GRID2: variants seen among roughly 807,000 people sequenced by gnomAD.
GRID2 encodes the protein glutamate receptor ionotropic, delta-2.
In GRID2, 33 loss-of-function variants were observed where a neutral mutation model predicts 114.8. That is an observed-to-expected ratio of 0.29 (90% CI 0.22 to 0.38). The LOEUF (loss-of-function observed/expected upper bound fraction) is 0.38, where lower values mean the gene tolerates loss of function less well. Among genes scored for constraint, GRID2 ranks in the 10% least tolerant of loss-of-function variants. GRID2 has a pLI of 1.00. For synonymous variants in GRID2, 505 were observed against 449.9 expected, an observed-to-expected ratio of 1.12 and a Z score of -1.55; for missense variants, 1,184 against 1,257.7, an observed-to-expected ratio of 0.94 and a Z score of 0.89.
At chr4:93,086,008 T>C (rs1187369866) in intron 3 of GRID2, among the ~76,000 whole-genome samples, 1 of 152,184 alleles carries the variant, frequency 6.6e-6, no homozygotes, top group African/African-American at 2.4e-5. Flanking sequence ...TTTTTCTGAA[T>C]TTATCTACCT....
At chr4:93,392,747 C>A (rs1172375483) in intron 8 of GRID2, among the ~76,000 whole-genome samples, 1 of 151,904 alleles carries the variant, frequency 6.6e-6, no homozygotes, top group Non-Finnish European at 1.5e-5. Context: ...AAATATCTTC[C>A]CTTCCTACCT....
At chr4:93,800,758 C>G (rs1158654669) in intron 1 of GRID2, among the ~76,000 whole-genome samples, 4 of 152,146 alleles carry the variant, frequency 2.6e-5, no homozygotes, top group Non-Finnish European at 4.4e-5. Flanking sequence ...TAAATAATTA[C>G]TACTACTGTT....
At chr4:92,399,663 C>A (rs10028153) in intron 1 of GRID2, among the ~76,000 whole-genome samples, 3,476 of 131,380 alleles carry the variant, frequency 0.026, 51 homozygotes, top group African/African-American at 0.06. Flanking sequence ...CTCTCTCTCT[C>A]TCTATATATA....
intron 2 of GRID2, among the ~76,000 whole-genome samples, chr4:92,633,210 T>C (rs113743824): frequency 2.8e-4 from 43 of 152,302 alleles, no homozygotes; most frequent in African/African-American, 9.4e-4. Flanking sequence ...TTTTTCTGAT[T>C]TGATGTTTGT....
At chr4:93,275,016 G>A (rs1306180373) in intron 8 of GRID2, among the ~76,000 whole-genome samples, 1 of 151,762 alleles carries the variant, frequency 6.6e-6, no homozygotes, top group Non-Finnish European at 1.5e-5. Context: ...CTATTTTAAG[G>A]ATATTTTCAT....
chr4:92,459,124 C>T (rs778330081), intron 1 of GRID2, among the ~76,000 whole-genome samples: 27 of 152,066 alleles, frequency 1.8e-4, no homozygotes, highest in Non-Finnish European at 3.2e-4. Flanking sequence ...TAATACAGTA[C>T]ACTATTTTTA....
intron 1 of GRID2, among the ~76,000 whole-genome samples, chr4:92,484,658 G>A (rs1417330836): frequency 1.3e-5 from 2 of 152,018 alleles, no homozygotes; most frequent in Non-Finnish European, 2.9e-5. Flanking sequence ...CAGTACATCA[G>A]AATAAGTTAA....
At chr4:92,783,706 C>T (rs1315847010) in intron 2 of GRID2, among the ~76,000 whole-genome samples, 1 of 151,948 alleles carries the variant, frequency 6.6e-6, no homozygotes, top group Admixed American at 6.6e-5. Flanking sequence ...AACAAAGTGA[C>T]ACCCAGTCTT....
intron 4 of GRID2, among the ~76,000 whole-genome samples, chr4:93,200,522 C>T (rs189512309): frequency 2.6e-5 from 4 of 151,842 alleles, no homozygotes; most frequent in Admixed American, 2.6e-4. Flanking sequence ...GCCGAGATCG[C>T]GCCACTGCAC....
chr4:92,693,011 AAACT>A (rs1448365581), intron 2 of GRID2, among the ~76,000 whole-genome samples: 1 of 133,348 alleles, frequency 7.5e-6, no homozygotes, highest in Non-Finnish European at 1.6e-5. Flanking sequence ...CGATAGAGCG[AAACT>A]GTCTCAAAAA....
intron 1 of GRID2, among the ~76,000 whole-genome samples, chr4:92,435,806 T>G (rs1293202151): frequency 6.6e-6 from 1 of 152,174 alleles, no homozygotes; most frequent in Non-Finnish European, 1.5e-5. Flanking sequence ...AAGAAGTGGT[T>G]TGTTCTCCAT....
intron 8 of GRID2, among the ~76,000 whole-genome samples, chr4:93,320,035 C>A (rs2149206657): frequency 6.6e-6 from 1 of 152,096 alleles, no homozygotes; most frequent in African/African-American, 2.4e-5. Flanking sequence ...CAATAAAAAT[C>A]TAATATAACT....
At chr4:92,740,735 G>A (rs961979612) in intron 2 of GRID2, among the ~76,000 whole-genome samples, 4 of 145,616 alleles carry the variant, frequency 2.7e-5, no homozygotes, top group Admixed American at 2.7e-4. Context: ...TAGATAGATA[G>A]ATAGATGGAT....
At chr4:93,540,324 A>G (rs548126982) in intron 13 of GRID2, among the ~76,000 whole-genome samples, 10 of 152,080 alleles carry the variant, frequency 6.6e-5, no homozygotes, top group Admixed American at 5.2e-4. Flanking sequence ...TTTCTTCTCC[A>G]TGCATCGTCT....
chr4:93,597,032 T>A (rs1159744435), intron 13 of GRID2, among the ~76,000 whole-genome samples: 1 of 152,226 alleles, frequency 6.6e-6, no homozygotes, highest in Non-Finnish European at 1.5e-5. Flanking sequence ...AAGAAAATTA[T>A]CAGTAGACAG....
chr4:92,699,654 A>C (rs1734578719), intron 2 of GRID2, among the ~76,000 whole-genome samples: 1 of 152,170 alleles, frequency 6.6e-6, no homozygotes, highest in Non-Finnish European at 1.5e-5. Context: ...CATGAGCACA[A>C]AATCAAGCAC....
At chr4:92,408,207 C>A (rs1313758293) in intron 1 of GRID2, among the ~76,000 whole-genome samples, 5 of 151,880 alleles carry the variant, frequency 3.3e-5, no homozygotes, top group Admixed American at 2.0e-4. Context: ...GGGAATCCTT[C>A]CCCCATTGCT....
chr4:93,591,688 G>T (rs1184045795), intron 13 of GRID2, among the ~76,000 whole-genome samples: 1 of 151,934 alleles, frequency 6.6e-6, no homozygotes, highest in Non-Finnish European at 1.5e-5. Context: ...TCTGGTCCTG[G>T]ACTCTTTTTG....
At chr4:93,133,914 T>C (rs577764360) in intron 4 of GRID2, among the ~76,000 whole-genome samples, 1 of 152,332 alleles carries the variant, frequency 6.6e-6, no homozygotes, top group South Asian at 2.1e-4. Flanking sequence ...TAAGGAATAT[T>C]TAGGCAAATA....
Sources: allele counts gnomAD v4.1 joint callset (sites outside exome capture counted in the v4.1 genomes callset), GRCh38; gene constraint gnomAD v4.1.1; transcripts MANE v1.5; gene names NCBI Gene and HGNC (gene_info 2026-07-23, HGNC 2026-07-21).